SEC24D: variants seen among roughly 807,000 people sequenced by gnomAD.
SEC24D encodes protein transport protein Sec24D.
In SEC24D, 69 loss-of-function variants were observed where a neutral mutation model predicts 116.9. The ratio of observed to expected loss-of-function variants is 0.59; its 90% CI spans 0.49 to 0.72. SEC24D has a LOEUF of 0.72. Among genes scored for constraint, SEC24D ranks in the 30% least tolerant of loss-of-function variants. SEC24D has a pLI of 0.00. For synonymous variants in SEC24D, 405 were observed against 442.8 expected (o/e 0.91, Z 1.07); for missense variants, 1,131 against 1,264.1 (o/e 0.89, Z 1.60).
At chr4:118,832,213 C>T (rs1277277963) in intron 2 of SEC24D, among the ~76,000 whole-genome samples, 1 of 151,990 alleles carries the variant, frequency 6.6e-6, no homozygotes, top group African/African-American at 2.4e-5. Flanking sequence ...CCAACCTGGT[C>T]GACAGAGGGA....
chr4:118,786,442 C>T (rs1728667137), intron 8 of SEC24D, among the ~76,000 whole-genome samples: 2 of 152,256 alleles, frequency 1.3e-5, no homozygotes, highest in Non-Finnish European at 2.9e-5. Flanking sequence ...TTAGCAAAGA[C>T]GCACAGCTGC....
intron 11 of SEC24D, among the ~76,000 whole-genome samples, chr4:118,757,433 C>G (rs944350515): frequency 6.6e-6 from 1 of 152,186 alleles, no homozygotes; most frequent in South Asian, 2.1e-4. Flanking sequence ...AATAACACAT[C>G]CAAAGTCTTT....
intron 13 of SEC24D, among the ~76,000 whole-genome samples, chr4:118,750,116 AC>A (rs2110453875): frequency 6.6e-6 from 1 of 152,368 alleles, no homozygotes; most frequent in South Asian, 2.1e-4. Context: ...ATATGAAGAT[AC>A]ATCACATCAG....
chr4:118,745,138 T>C, intron 13 of SEC24D, 78 bp from the exon 14 acceptor site: 3 of 809,882 alleles, frequency 3.7e-6, no homozygotes, highest in Admixed American at 4.5e-5. Flanking sequence ...GAAAATAAAA[T>C]ATAAGTTCTT....
At chr4:118,797,641 G>A in intron 8 of SEC24D, 42 bp downstream of exon 8, 1 of 1,443,410 alleles carries the variant, frequency 6.9e-7, no homozygotes, top group African/African-American at 1.4e-5. Context: ...GGTAATTTTG[G>A]AATTGATAAA....
chr4:118,782,201 G>A (rs975471732), intron 8 of SEC24D, among the ~76,000 whole-genome samples: 34 of 152,142 alleles, frequency 2.2e-4, no homozygotes, highest in Non-Finnish European at 4.4e-4. Flanking sequence ...TTCTGCTCTG[G>A]TTTCTCCCCA....
intron 8 of SEC24D, among the ~76,000 whole-genome samples, chr4:118,783,065 G>A (rs560045953): frequency 1.2e-4 from 18 of 152,322 alleles, no homozygotes; most frequent in African/African-American, 4.3e-4. Flanking sequence ...CTTCCCGGGT[G>A]AGGCGACGCC....
At position 118,752,791 on chromosome 4, in the gene SEC24D, G is replaced by A; in HGVS notation, c.1519C>T (p.Gln507Ter). ...FNVKSNLAQP[Q>*]MMVVTDVGEV... Reference sequence around the variant, plus strand: ...CCAACATCAGTCACCACCATCATCTGAGGCTGGGCCAGATTACTCTTCACA... The same window carrying A: ...CCAACATCAGTCACCACCATCATCTAAGGCTGGGCCAGATTACTCTTCACA... Residue 507 changes from glutamine (Q) to a stop codon, truncating the protein, a stop_gained, in exon 12 of 23, where the codon CAG becomes TAG. Coordinates refer to ENST00000280551, the MANE Select transcript of SEC24D (RefSeq NM_014822.4). LOFTEE classifies it high-confidence loss of function. 1 of 1,612,084 alleles carries A rather than the reference G, an allele frequency of 6.2e-7. No individual in the cohort carries two copies. The highest frequency in any genetic ancestry group is 1.1e-5 in the South Asian group (1 of 90,820).
At chr4:118,834,732 C>T (rs957642624) in intron 1 of SEC24D, among the ~76,000 whole-genome samples, 3 of 152,132 alleles carry the variant, frequency 2.0e-5, no homozygotes, top group East Asian at 1.9e-4. Flanking sequence ...GAAAATGAAG[C>T]CTTTCCAGAT....
intron 9 of SEC24D, among the ~76,000 whole-genome samples, chr4:118,767,094 A>G (rs768785963): frequency 2.0e-5 from 3 of 152,178 alleles, no homozygotes; most frequent in Non-Finnish European, 4.4e-5. Flanking sequence ...CAATGATTCA[A>G]CTCCACAGCA....
intron 8 of SEC24D, among the ~76,000 whole-genome samples, chr4:118,795,535 G>A (rs899703119): frequency 1.3e-5 from 2 of 152,078 alleles, no homozygotes; most frequent in African/African-American, 4.8e-5. Context: ...AGGCCAAGGT[G>A]TGGCGGTATG....
intron 8 of SEC24D, among the ~76,000 whole-genome samples, chr4:118,783,546 T>C (rs6829010): frequency 0.29 from 44,121 of 152,112 alleles, 7,148 homozygotes; most frequent in Non-Finnish European, 0.37. Flanking sequence ...TTGAATTGAA[T>C]TGGTTATTCT....
intron 2 of SEC24D, among the ~76,000 whole-genome samples, chr4:118,831,825 C>T (rs145399497): frequency 6.6e-6 from 1 of 152,114 alleles, no homozygotes; most frequent in East Asian, 1.9e-4. Flanking sequence ...AGTGGGATAA[C>T]AGTAGTGAAG....
intron 17 of SEC24D, 118 bp downstream of exon 17, chr4:118,740,545 G>T (rs1237590099): frequency 2.6e-6 from 3 of 1,151,320 alleles, no homozygotes; most frequent in African/African-American, 3.1e-5. Context: ...TGACTTTGGA[G>T]AAAGAGTTGA....
chr4:118,772,757 C>T (rs1479915938), intron 8 of SEC24D, among the ~76,000 whole-genome samples: 1 of 152,188 alleles, frequency 6.6e-6, no homozygotes, highest in African/African-American at 2.4e-5. Context: ...TGTGTCCTGG[C>T]ACACGGCAGT....
chr4:118,781,888 TTG>T (rs1728430542), intron 8 of SEC24D, among the ~76,000 whole-genome samples: 1 of 152,232 alleles, frequency 6.6e-6, no homozygotes, highest in East Asian at 1.9e-4. Flanking sequence ...CTACTGAAGC[TTG>T]TGCATGCGTC....
chr4:118,797,461 A>G (rs1277231325), intron 8 of SEC24D, among the ~76,000 whole-genome samples: 1 of 152,224 alleles, frequency 6.6e-6, no homozygotes, highest in Non-Finnish European at 1.5e-5. Context: ...CAATACGCCA[A>G]AAAGTGACGC....
intron 6 of SEC24D, 101 bp from the exon 7 acceptor site, chr4:118,806,055 C>T (rs1729662171): frequency 4.2e-6 from 3 of 712,498 alleles, no homozygotes; most frequent in Non-Finnish European, 7.2e-6. Flanking sequence ...CTTTTCCCCT[C>T]CTTCTCAATA....
chr4:118,731,858 A>C lies in SEC24D; in HGVS notation c.2677-351T>G, dbSNP rs1578375884. ...GGAGCCCACAAACTTTTAAGAAGGT[A>C]ACCTGAGGAGGTAAGAGAAGGTGCC... On this transcript the variant is annotated intron_variant, in intron 20 of 22. Coordinates refer to ENST00000280551, the MANE Select transcript of SEC24D (RefSeq NM_014822.4). Among the ~76,000 whole-genome samples, 5 of 152,334 alleles carry C rather than the reference A, an allele frequency of 3.3e-5. No individual in the cohort carries two copies. The South Asian group carries it at 1.0e-3, about 32-fold the overall frequency.
Sources: gnomAD v4.1 joint callset for allele counts (sites outside exome capture counted in the v4.1 genomes callset) on GRCh38, gnomAD v4.1.1 for gene constraint, MANE v1.5 for transcripts, NCBI Gene and HGNC (gene_info 2026-07-23, HGNC 2026-07-21) for gene names.